The following NLRP10 variants were observed in gnomAD, a reference collection of about 807,000 sequenced individuals.
NLRP10 encodes the protein NACHT, LRR and PYD domains-containing protein 10.
Under a neutral mutation model 8.2 loss-of-function variants are expected in NLRP10, and 7 were observed. That is an observed-to-expected ratio of 0.85 (90% CI 0.48 to 1.60). The LOEUF (loss-of-function observed/expected upper bound fraction) is 1.60, where lower values mean the gene tolerates loss of function less well. Among genes scored for constraint, NLRP10 ranks in the 40% most tolerant of loss-of-function variants. The probability of loss-of-function intolerance (pLI) is 0.00; values close to 1 mark genes in which losing one functional copy is unlikely to be tolerated. For synonymous variants in NLRP10, 338 were observed against 314.0 expected (o/e 1.08, Z -0.81); for missense variants, 814 against 776.3 (o/e 1.05, Z -0.58).
At chr11:7,961,550 CTGTG>C (rs939034089) in intron 2 of NLRP10, among the ~76,000 whole-genome samples, 1 of 152,060 alleles carries the variant, frequency 6.6e-6, no homozygotes. Context: ...AGGGTGTGCT[CTGTG>C]TGTGTGGATA....
chr11:7,965,382 T>C lies in NLRP10; in HGVS notation c.-182A>G, dbSNP rs574708955. 6.6e-6 allele frequency: 1 copy of C among 152,272 alleles called. No homozygotes were observed. Among genetic ancestry groups the C allele is most frequent in the East Asian group, 1.9e-4 (1 of 5,166 alleles). The allele number at this position is 152,272 out of a possible 1,614,324, so 9.4% of individuals were successfully genotyped here. A position where few individuals can be genotyped will look rare whatever the true frequency, so the allele number is the denominator to read the frequency against. On this transcript the variant is annotated 5_prime_UTR_variant, in exon 1 of 3. Coordinates refer to ENST00000691676, the MANE Select transcript of NLRP10 (RefSeq NM_001391958.1). ...GTCCGACAGCTCTACAGGTCCAAGT[T>C]TGGGCTCTCTTAGCCCATACTCACT... is the stretch of plus-strand genomic sequence containing the variant.
rs1941675338 is a variant in NLRP10, at chr11:7,959,444, C to T, written c.*200G>A. 4 of 482,730 alleles carry T rather than the reference C, an allele frequency of 8.3e-6. No homozygotes were observed. Among genetic ancestry groups the T allele is most frequent in the South Asian group, 4.4e-5 (1 of 22,596 alleles). The allele number at this position is 482,730 out of a possible 1,614,324, so 29.9% of individuals were successfully genotyped here. A position where few individuals can be genotyped will look rare whatever the true frequency, so the allele number is the denominator to read the frequency against. ...ACATTAGAATCATCTTATCAATGTC[C>T]ACAAAGTTATTTGCTGGGATCTTGA... On this transcript the variant is annotated 3_prime_UTR_variant, in exon 3 of 3. Coordinates refer to ENST00000691676, the MANE Select transcript of NLRP10 (RefSeq NM_001391958.1).
rs1288705840 is a variant in NLRP10 at position 7,963,466 on chromosome 11, C to T, written c.30G>A (p.Arg10=). The T allele has an allele frequency of 1.2e-6, 2 of 1,613,438 alleles. No homozygotes were observed. Among genetic ancestry groups the T allele is most frequent in the Non-Finnish European group, 1.7e-6 (2 of 1,179,614 alleles). Residue 10 remains arginine, a synonymous_variant, in exon 2 of 3, where the codon CGG becomes CGA. Coordinates refer to ENST00000691676, the MANE Select transcript of NLRP10 (RefSeq NM_001391958.1). MAMAKARKP[R]EALLWALSDL... is the part of the protein sequence containing the mutation. Reference sequence around the variant, plus strand: ...CACTCAAGGCCCAGAGCAATGCCTCCCGGGGCTTTCTGGCCTTGGCCATGG... The same window carrying T: ...CACTCAAGGCCCAGAGCAATGCCTCTCGGGGCTTTCTGGCCTTGGCCATGG...
Position 7,961,107 on chromosome 11 carries a change from C to A in NLRP10, c.505G>T (p.Val169Phe). The A allele has an allele frequency of 6.2e-7, 1 of 1,614,174 alleles. No individual in the cohort carries two copies. Among genetic ancestry groups the A allele is most frequent in the East Asian group, 2.2e-5 (1 of 44,870 alleles). The change falls in exon 3 of 3, where the codon GTT becomes TTT. Residue 169 changes from valine to phenylalanine, a missense_variant. Coordinates refer to ENST00000691676, the MANE Select transcript of NLRP10 (RefSeq NM_001391958.1). Reference sequence around the variant, plus strand: ...GTGCCAGCCGACCCCTGTAGCACAACTAAGGATGGGGCCAGTGAGGGCTTT... The same window carrying A: ...GTGCCAGCCGACCCCTGTAGCACAAATAAGGATGGGGCCAGTGAGGGCTTT... ...GEKPSLAPSL[V>F]VLQGSAGTGK...
Position 7,960,143 on chromosome 11 carries a change from T to C in NLRP10, c.1469A>G (p.Glu490Gly). Reference protein sequence around the residue: ...VKEDQSRLGKESRREVQRLLE... With the variant: ...VKEDQSRLGKGSRREVQRLLE... ...CAGCCTTTGCACTTCTCTGCGGGAC[T>C]CCTTCCCCAGCCGGCTTTGGTCCTC... Residue 490 changes from glutamate (E) to glycine (G), a missense_variant, in exon 3 of 3, where the codon GAG (glutamate) becomes GGG (glycine). Glu to Gly is a moderately conservative substitution (Grantham distance 98). Coordinates refer to ENST00000691676, the MANE Select transcript of NLRP10 (RefSeq NM_001391958.1). 1 of 1,614,134 alleles carries C rather than the reference T, an allele frequency of 6.2e-7. No individual in the cohort carries two copies. Among genetic ancestry groups the C allele is most frequent in the South Asian group, 1.1e-5 (1 of 91,084 alleles).
At chr11:7,964,519 T>C (rs1415839645) in intron 1 of NLRP10, among the ~76,000 whole-genome samples, 1 of 152,218 alleles carries the variant, frequency 6.6e-6, no homozygotes, top group Non-Finnish European at 1.5e-5. Flanking sequence ...AGAAATCGTC[T>C]CAGGAACTGT....
At chr11:7,963,151 G>C (rs1941761097) in intron 2 of NLRP10, 56 bp downstream of exon 2, 1 of 1,536,456 alleles carries the variant, frequency 6.5e-7, no homozygotes, top group Non-Finnish European at 8.9e-7. Context: ...AAATGCCATG[G>C]TGGGAGGGGA....
chr11:7,958,872 AC>A lies in NLRP10; in HGVS notation c.*771del, dbSNP rs1941666211. Among the ~76,000 whole-genome samples, 1 of 151,530 alleles carries A rather than the reference AC, an allele frequency of 6.6e-6. No individual in the cohort carries two copies. Among genetic ancestry groups the A allele is most frequent in the African/African-American group, 2.4e-5 (1 of 41,224 alleles). Reference sequence around the variant, plus strand: ...TTAAGAGCTATTTGTATTTTTTTTTACCCAAGTCTTTTATCAGATATGTGTT... The same window carrying A: ...TTAAGAGCTATTTGTATTTTTTTTTACCAAGTCTTTTATCAGATATGTGTT... On this transcript the variant is annotated 3_prime_UTR_variant, in exon 3 of 3. Transcript: ENST00000691676.
chr11:7,959,987 G>T lies in NLRP10; in HGVS notation c.1625C>A (p.Ala542Glu), dbSNP rs1382393492. The T allele has an allele frequency of 1.2e-6, 2 of 1,613,924 alleles. No homozygotes were observed. Reference protein sequence around the residue: ...KFCFRISPCLAQDLKHFKEQM... With the variant: ...KFCFRISPCLEQDLKHFKEQM... ...TTCTTTAAAATGCTTCAGATCCTGC[G>T]CTAAACAGGGAGAAATTCTGAAGCA... Residue 542 changes from alanine (A) to glutamate (E), a missense_variant, in exon 3 of 3, where the codon GCG becomes GAG. By Grantham distance (107) the Ala-to-Glu change is moderately radical (BLOSUM62 -1). Coordinates refer to ENST00000691676, the MANE Select transcript of NLRP10 (RefSeq NM_001391958.1).
At position 7,960,846 on chromosome 11, in the gene NLRP10, T is replaced by C. The variant is rs146589326; in HGVS notation, c.766A>G (p.Arg256Gly). 9.9e-5 allele frequency: 159 copies of C among 1,614,108 alleles called. 1 individual carries two copies. In the East Asian group the frequency reaches 3.5e-3, roughly 36 times the overall value. ...FILDGFDELQ[R>G]PFEEKLKKRG... Reference sequence around the variant, plus strand: ...TTCTTCAACTTTTCTTCAAAGGGCCTCTGCAGCTCATCAAAGCCATCCAGG... The same window carrying C: ...TTCTTCAACTTTTCTTCAAAGGGCCCCTGCAGCTCATCAAAGCCATCCAGG... Residue 256 changes from arginine (R) to glycine (G), a missense_variant, in exon 3 of 3, where the codon AGG (arginine) becomes GGG (glycine). Transcript: ENST00000691676.
chr11:7,963,049 C>A (rs1453923924), intron 2 of NLRP10, among the ~76,000 whole-genome samples, 158 bp downstream of exon 2: 2 of 152,150 alleles, frequency 1.3e-5, no homozygotes, highest in Non-Finnish European at 2.9e-5. Context: ...TTGTTGGAAC[C>A]CTCAGGTGGA....
Position 7,960,567 on chromosome 11 carries a change from T to A in NLRP10, c.1045A>T (p.Lys349Ter). 2 of 1,614,172 alleles carry A rather than the reference T, an allele frequency of 1.2e-6. No homozygotes were observed. The highest frequency in any genetic ancestry group is 1.7e-6 in the Non-Finnish European group (2 of 1,180,028). The stretch of plus-strand genomic sequence containing the variant: ...CAAATGCCTGGAACCTGACACGCTT[T>A]GTAGAGAATGTCATTTTTCTGTACA... ...DIVQKNDILY[K>*]ACQVPGICWV... The change falls in exon 3 of 3, where the codon AAA becomes TAA. Residue 349 changes from lysine to a stop codon, truncating the protein, a stop_gained. Coordinates refer to ENST00000691676, the MANE Select transcript of NLRP10 (RefSeq NM_001391958.1). LOFTEE classifies it low-confidence loss of function (END_TRUNC).
At chr11:7,963,092 G>C in intron 2 of NLRP10, 115 bp downstream of exon 2, 1 of 1,018,778 alleles carries the variant, frequency 9.8e-7, no homozygotes, top group East Asian at 2.5e-5. Context: ...CCAGGGACTA[G>C]AGGACAAGGT....
chr11:7,960,790 C>T lies in NLRP10; in HGVS notation c.822G>A (p.Leu274=), dbSNP rs755351604. ...GTGTATGTCTCCTAATTAGAAGGTG[C>T]AGCAGGCTCTCCTTGGGACTCAAAC... ...KRGLSPKESL[L]HLLIRRHTLP... Residue 274 remains leucine, a synonymous_variant, in exon 3 of 3, where the codon CTG becomes CTA. Coordinates refer to ENST00000691676, the MANE Select transcript of NLRP10 (RefSeq NM_001391958.1). 7 of 1,614,022 alleles carry T rather than the reference C, an allele frequency of 4.3e-6. No individual in the cohort carries two copies. The highest frequency in any genetic ancestry group is 5.9e-6 in the Non-Finnish European group (7 of 1,180,030).
intron 2 of NLRP10, 29 bp from the exon 3 acceptor site, chr11:7,961,351 G>A: frequency 6.9e-7 from 1 of 1,453,538 alleles, no homozygotes; most frequent in African/African-American, 1.4e-5. Context: ...ATGTTAGGTA[G>A]TGAAATGGGA....
At chr11:7,964,168 C>T (rs1038574586) in intron 1 of NLRP10, among the ~76,000 whole-genome samples, 3 of 152,284 alleles carry the variant, frequency 2.0e-5, no homozygotes, top group Admixed American at 1.3e-4. Context: ...GTGATCTGCC[C>T]GCCTTGGCTT....
Position 7,959,058 on chromosome 11 carries a change from C to T in NLRP10, c.*586G>A, listed in dbSNP as rs1777964296. On this transcript the variant is annotated 3_prime_UTR_variant, in exon 3 of 3. Coordinates refer to ENST00000691676, the MANE Select transcript of NLRP10 (RefSeq NM_001391958.1). ...AAAAAGTCATCGCCAAACCCAAGGTCACCTAGATTTTCTCCTATATTATCT... is the reference window on the plus strand; with the variant it reads ...AAAAAGTCATCGCCAAACCCAAGGTTACCTAGATTTTCTCCTATATTATCT... Among the ~76,000 whole-genome samples the T allele has an allele frequency of 6.6e-6, 1 of 152,126 alleles. No homozygotes were observed. Among genetic ancestry groups the T allele is most frequent in the Non-Finnish European group, 1.5e-5 (1 of 68,024 alleles).
rs1235671505 is a variant in NLRP10 at position 7,960,256 on chromosome 11, G to T, written c.1356C>A (p.Tyr452Ter). 6.2e-7 allele frequency: 1 copy of T among 1,614,146 alleles called. No individual in the cohort carries two copies. The highest frequency in any genetic ancestry group is 8.5e-7 in the Non-Finnish European group (1 of 1,180,006). The change falls in exon 3 of 3, where the codon TAC becomes TAA. Residue 452 changes from tyrosine to a stop codon, truncating the protein, a stop_gained. Transcript: ENST00000691676. LOFTEE classifies it low-confidence loss of function (END_TRUNC). ...ACTTCTTGATGGCAAGTCCCAATTGGTAGTCGTTACTACTCAGGAAAGCGG... is the reference window on the plus strand; with the variant it reads ...ACTTCTTGATGGCAAGTCCCAATTGTTAGTCGTTACTACTCAGGAAAGCGG... Reference protein sequence around the residue: ...RLAAFLSSNDYQLGLAIKKFY... With the variant: ...RLAAFLSSND
chr11:7,962,578 T>C (rs1941750770), intron 2 of NLRP10, among the ~76,000 whole-genome samples: 1 of 151,974 alleles, frequency 6.6e-6, no homozygotes, highest in African/African-American at 2.4e-5. Context: ...ATGCTAAAGA[T>C]AAAACAGCTT....
Sources: gnomAD v4.1 joint callset for allele counts (sites outside exome capture counted in the v4.1 genomes callset) on GRCh38, gnomAD v4.1.1 for gene constraint, MANE v1.5 for transcripts, NCBI Gene and HGNC (gene_info 2026-07-23, HGNC 2026-07-21) for gene names.